ALPL: variants seen among roughly 807,000 people sequenced by gnomAD.
ALPL encodes the protein alkaline phosphatase, biomineralization associated.
ALPL carries 42 observed loss-of-function variants against 51.3 expected under a neutral mutation model. The ratio of observed to expected loss-of-function variants is 0.82; its 90% CI spans 0.64 to 1.06. The LOEUF (loss-of-function observed/expected upper bound fraction) is 1.06, where lower values mean the gene tolerates loss of function less well. Among genes scored for constraint, ALPL ranks in the 50% least tolerant of loss-of-function variants. The probability of loss-of-function intolerance (pLI) is 0.00; values close to 1 mark genes in which losing one functional copy is unlikely to be tolerated. For missense variants in ALPL, 589 were observed against 709.4 expected (o/e 0.83, Z 1.93); for synonymous variants, 279 against 296.4 (o/e 0.94, Z 0.60).
In ALPL at chr1:21,543,152, A is replaced by T. The variant is rs141137383; in HGVS notation, c.-104-10826A>T. ...AAGACCCTGTCTCAAAACAAAAAATAAAAAAACAGCTTCCCAGGCCCTGAC... is the reference window on the plus strand; with the variant it reads ...AAGACCCTGTCTCAAAACAAAAAATTAAAAAACAGCTTCCCAGGCCCTGAC... On this transcript the variant is annotated intron_variant, in intron 1 of 11. Transcript: ENST00000374840. Among the ~76,000 whole-genome samples, 776 of 152,190 alleles carry T rather than the reference A, an allele frequency of 5.1e-3. 3 individuals are homozygous for T. The highest frequency in any genetic ancestry group is 0.016 in the African/African-American group (655 of 41,538).
At chr1:21,535,569 C>A (rs781295924) in intron 1 of ALPL, among the ~76,000 whole-genome samples, 1 of 151,872 alleles carries the variant, frequency 6.6e-6, no homozygotes, top group Non-Finnish European at 1.5e-5. Context: ...GAGCTATGAT[C>A]GTGTCACTGC....
At chr1:21,544,625 A>G (rs2148117657) in intron 1 of ALPL, among the ~76,000 whole-genome samples, 1 of 152,346 alleles carries the variant, frequency 6.6e-6, no homozygotes, top group African/African-American at 2.4e-5. Flanking sequence ...ATGCGCCTGT[A>G]GTCCCAGCTA....
chr1:21,525,719 G>A (rs4654958), intron 1 of ALPL, among the ~76,000 whole-genome samples: 59,342 of 152,138 alleles, frequency 0.39, 13,297 homozygotes, highest in East Asian at 0.84. Context: ...TGGGCTCCGC[G>A]GCTCACGCCT....
intron 1 of ALPL, among the ~76,000 whole-genome samples, chr1:21,517,064 C>T (rs558423966): frequency 6.6e-6 from 1 of 152,318 alleles, no homozygotes; most frequent in African/African-American, 2.4e-5. Context: ...AAAGTGTTGA[C>T]TATCTCATGT....
At chr1:21,565,505 T>G (rs1356416310) in intron 6 of ALPL, among the ~76,000 whole-genome samples, 2 of 150,202 alleles carry the variant, frequency 1.3e-5, no homozygotes, top group Non-Finnish European at 3.0e-5. Context: ...TATAATTACA[T>G]GGGGACTGCT....
Position 21,554,023 on chromosome 1 carries a change from CCCA to C in ALPL, c.-56_-54del. Reference sequence around the variant, plus strand: ...TCTGACCACTGCCAGCCCACCCCCTCCCACCCACGTCGATTGCATCTCTGGGCT... The same window carrying C: ...TCTGACCACTGCCAGCCCACCCCCTCCCCACGTCGATTGCATCTCTGGGCT... On this transcript the variant is annotated 5_prime_UTR_variant, in exon 2 of 12. Coordinates refer to ENST00000374840, the MANE Select transcript of ALPL (RefSeq NM_000478.6). The C allele has an allele frequency of 9.8e-7, 1 of 1,024,108 alleles. No individual in the cohort carries two copies. The highest frequency in any genetic ancestry group is 1.5e-6 in the Non-Finnish European group (1 of 656,748). 63.4% of individuals were successfully genotyped at this position (1,024,108 alleles called of 1,614,324 possible). A position where few individuals can be genotyped will look rare whatever the true frequency, so the allele number is the denominator to read the frequency against.
intron 1 of ALPL, among the ~76,000 whole-genome samples, chr1:21,521,897 G>A (rs1400188033): frequency 6.6e-6 from 1 of 151,984 alleles, no homozygotes; most frequent in East Asian, 1.9e-4. Context: ...ATGCTTCCTG[G>A]TGCATAGTAG....
intron 2 of ALPL, among the ~76,000 whole-genome samples, chr1:21,558,668 A>G (rs1470151388): frequency 1.3e-5 from 2 of 152,188 alleles, no homozygotes; most frequent in African/African-American, 4.8e-5. Flanking sequence ...CTCAGCAGAC[A>G]CTTCCAGAAG....
rs1431870864 is a variant in ALPL at position 21,568,181 on chromosome 1, C to A, written c.726C>A (p.Ala242=). Residue 242 remains alanine, a synonymous_variant, in exon 7 of 12, where the codon GCC becomes GCA. Coordinates refer to ENST00000374840, the MANE Select transcript of ALPL (RefSeq NM_000478.6). ...TGGAGTATGAGAGTGACGAGAAAGCCAGGGGCACGAGGCTGGACGGCCTGG... is the reference window on the plus strand; with the variant it reads ...TGGAGTATGAGAGTGACGAGAAAGCAAGGGGCACGAGGCTGGACGGCCTGG... The part of the protein sequence containing the change: ...TDVEYESDEK[A]RGTRLDGLDL... 1 of 1,613,938 alleles carries A rather than the reference C, an allele frequency of 6.2e-7. No individual in the cohort carries two copies. Among genetic ancestry groups the A allele is most frequent in the Non-Finnish European group, 8.5e-7 (1 of 1,180,038 alleles).
chr1:21,570,309 C>G lies in ALPL; in HGVS notation c.797C>G (p.Ser266Cys). The G allele has an allele frequency of 1.2e-6, 2 of 1,614,136 alleles. No homozygotes were observed. The highest frequency in any genetic ancestry group is 1.7e-6 in the Non-Finnish European group (2 of 1,180,012). Residue 266 changes from serine (S) to cysteine (C), a missense_variant, in exon 8 of 12, where the codon TCC (serine) becomes TGC (cysteine). By Grantham distance (112) the Ser-to-Cys change is moderately radical. Transcript: ENST00000374840. Reference protein sequence around the residue: ...WKSFKPRYKHSHFIWNRTELL... With the variant: ...WKSFKPRYKHCHFIWNRTELL... ...TGACACAGCCCTTCCTCCTAGCACT[C>G]CCACTTCATCTGGAACCGCACGGAA...
chr1:21,548,560 C>T (rs973013421), intron 1 of ALPL, among the ~76,000 whole-genome samples: 4 of 152,178 alleles, frequency 2.6e-5, no homozygotes, highest in Non-Finnish European at 4.4e-5. Context: ...GACCAATAAC[C>T]GGAAGAATAA....
chr1:21,527,890 T>C (rs1172648176), intron 1 of ALPL, among the ~76,000 whole-genome samples: 1 of 152,144 alleles, frequency 6.6e-6, no homozygotes, highest in Non-Finnish European at 1.5e-5. Context: ...GATAGAAAAT[T>C]CCCAGCTCAA....
At chr1:21,522,646 G>A (rs934432935) in intron 1 of ALPL, among the ~76,000 whole-genome samples, 4 of 152,144 alleles carry the variant, frequency 2.6e-5, no homozygotes, top group African/African-American at 7.2e-5. Context: ...AGTAGTAGGC[G>A]AGTCAAGCGG....
intron 1 of ALPL, among the ~76,000 whole-genome samples, chr1:21,512,155 T>C (rs1267540003): frequency 6.6e-6 from 1 of 152,178 alleles, no homozygotes; most frequent in Non-Finnish European, 1.5e-5. Flanking sequence ...TGACTTGGCT[T>C]CCCAGCACCA....
chr1:21,574,144 C>T lies in ALPL; in HGVS notation c.997+345C>T, dbSNP rs990703797. On this transcript the variant is annotated intron_variant, in intron 9 of 11. Coordinates refer to ENST00000374840, the MANE Select transcript of ALPL (RefSeq NM_000478.6). Reference sequence around the variant, plus strand: ...CCCAGAAAAGCAAATCCGCAGGCCCCGGCTTTCCCACGCTGTGTGCTGATG... The same window carrying T: ...CCCAGAAAAGCAAATCCGCAGGCCCTGGCTTTCCCACGCTGTGTGCTGATG... 9.1e-6 allele frequency: 9 copies of T among 985,366 alleles called. No individual in the cohort carries two copies. In the South Asian group the frequency reaches 1.4e-4, roughly 15 times the overall value. The allele number at this position is 985,366 out of a possible 1,614,324, so 61.0% of individuals were successfully genotyped here. A position where few individuals can be genotyped will look rare whatever the true frequency, so the allele number is the denominator to read the frequency against.
chr1:21,511,762 C>T (rs541636613), intron 1 of ALPL, among the ~76,000 whole-genome samples: 66 of 152,334 alleles, frequency 4.3e-4, no homozygotes, highest in African/African-American at 1.2e-3. Context: ...TGTGCCTCAC[C>T]GTGTCCTAGC....
At chr1:21,511,763 G>A (rs904255134) in intron 1 of ALPL, among the ~76,000 whole-genome samples, 4 of 152,164 alleles carry the variant, frequency 2.6e-5, no homozygotes, top group East Asian at 1.9e-4. Flanking sequence ...GTGCCTCACC[G>A]TGTCCTAGCT....
chr1:21,517,278 T>G (rs1354435382), intron 1 of ALPL, among the ~76,000 whole-genome samples: 2 of 152,238 alleles, frequency 1.3e-5, no homozygotes, highest in African/African-American at 4.8e-5. Flanking sequence ...GACCTTATTG[T>G]ATTGAGCTCA....
intron 1 of ALPL, among the ~76,000 whole-genome samples, chr1:21,549,995 G>T (rs779580517): frequency 5.3e-5 from 8 of 152,178 alleles, no homozygotes; most frequent in Non-Finnish European, 1.2e-4. Context: ...TCATGACTGG[G>T]CAACTCCATG....
Sources: gnomAD v4.1 joint callset for allele counts (sites outside exome capture counted in the v4.1 genomes callset) on GRCh38, gnomAD v4.1.1 for gene constraint, MANE v1.5 for transcripts, NCBI Gene and HGNC (gene_info 2026-07-23, HGNC 2026-07-21) for gene names.